MAGI2: variants seen among roughly 807,000 people sequenced by gnomAD.
MAGI2 encodes membrane-associated guanylate kinase, WW and PDZ domain-containing protein 2.
MAGI2 carries 35 observed loss-of-function variants against 133.3 expected under a neutral mutation model. That is an observed-to-expected ratio of 0.26 (90% confidence interval 0.20 to 0.35). The LOEUF (loss-of-function observed/expected upper bound fraction) is 0.35, where lower values mean the gene tolerates loss of function less well. MAGI2 is among the 10% of genes least tolerant of loss of function. The pLI is 1.00. For synonymous variants in MAGI2, 729 were observed against 710.6 expected, an observed-to-expected ratio of 1.03 and a Z score of -0.41; for missense variants, 1,636 against 1,863.4, an observed-to-expected ratio of 0.88 and a Z score of 2.25.
chr7:78,281,419 A>G (rs1191497922), intron 9 of MAGI2, among the ~76,000 whole-genome samples: 2 of 151,874 alleles, frequency 1.3e-5, no homozygotes, highest in African/African-American at 4.8e-5. Flanking sequence ...ATGGTTTCAT[A>G]AGGGACTCTT....
intron 9 of MAGI2, among the ~76,000 whole-genome samples, chr7:78,273,038 A>G (rs1003038365): frequency 2.0e-5 from 3 of 152,144 alleles, no homozygotes; most frequent in Non-Finnish European, 2.9e-5. Flanking sequence ...CATAGTGTCA[A>G]TGGTCTTTAC....
chr7:78,344,055 G>A, intron 8 of MAGI2, 95 bp from the exon 9 acceptor site: 3 of 1,126,828 alleles, frequency 2.7e-6, no homozygotes, highest in South Asian at 1.5e-5. Context: ...GACAATCCCA[G>A]GGGTAAATGT....
At chr7:78,422,438 C>T (rs1302080383) in intron 6 of MAGI2, among the ~76,000 whole-genome samples, 1 of 152,082 alleles carries the variant, frequency 6.6e-6, no homozygotes, top group Admixed American at 6.5e-5. Context: ...ACAAAACAGG[C>T]AAACACTTGT....
chr7:78,556,416 C>T (rs1799828562), intron 3 of MAGI2, among the ~76,000 whole-genome samples: 1 of 152,152 alleles, frequency 6.6e-6, no homozygotes, highest in Non-Finnish European at 1.5e-5. Flanking sequence ...TCACAGGCTT[C>T]AGGACTGGAT....
chr7:78,951,779 C>T (rs1801894819), intron 2 of MAGI2, among the ~76,000 whole-genome samples: 1 of 152,108 alleles, frequency 6.6e-6, no homozygotes, highest in Admixed American at 6.6e-5. Context: ...TTTCTTCTGA[C>T]CTCTTCCTCT....
intron 6 of MAGI2, among the ~76,000 whole-genome samples, chr7:78,458,112 A>T (rs545128165): frequency 1.3e-5 from 2 of 152,158 alleles, no homozygotes; most frequent in East Asian, 3.9e-4. Flanking sequence ...CCTGGCCAAC[A>T]TGGTGAAACA....
intron 14 of MAGI2, among the ~76,000 whole-genome samples, chr7:78,174,197 G>A (rs1826375181): frequency 6.6e-6 from 1 of 152,140 alleles, no homozygotes; most frequent in Admixed American, 6.5e-5. Context: ...TACTGTACCA[G>A]GCTAGGCTTG....
intron 7 of MAGI2, among the ~76,000 whole-genome samples, chr7:78,363,005 T>G (rs1441529534): frequency 6.6e-6 from 1 of 152,168 alleles, no homozygotes; most frequent in Non-Finnish European, 1.5e-5. Context: ...TAAAAGCATA[T>G]TAAAATAAAA....
chr7:78,297,716 A>T (rs1584774061), intron 9 of MAGI2, among the ~76,000 whole-genome samples: 1 of 151,666 alleles, frequency 6.6e-6, no homozygotes, highest in East Asian at 1.9e-4. Context: ...ATTCTCAGTA[A>T]ACTGTCACAA....
intron 1 of MAGI2, among the ~76,000 whole-genome samples, chr7:79,128,060 C>G (rs1820590546): frequency 6.6e-6 from 1 of 152,118 alleles, no homozygotes; most frequent in Non-Finnish European, 1.5e-5. Flanking sequence ...ATAGGGAATC[C>G]TTTCCCCGTT....
intron 1 of MAGI2, among the ~76,000 whole-genome samples, chr7:79,136,902 C>T (rs543727403): frequency 6.6e-6 from 1 of 152,234 alleles, no homozygotes; most frequent in Non-Finnish European, 1.5e-5. Context: ...GAAACACTTG[C>T]CCGGCCTGAT....
intron 10 of MAGI2, among the ~76,000 whole-genome samples, chr7:78,221,185 C>G (rs915416400): frequency 2.0e-4 from 31 of 152,172 alleles, no homozygotes; most frequent in Non-Finnish European, 5.9e-5. Context: ...GATTTAAATT[C>G]CCAGGACAGG....
At chr7:78,666,329 G>C (rs562348566) in intron 2 of MAGI2, among the ~76,000 whole-genome samples, 8 of 152,302 alleles carry the variant, frequency 5.3e-5, no homozygotes, top group Non-Finnish European at 8.8e-5. Context: ...GGAAGAGTAA[G>C]AAGTAAGACT....
intron 2 of MAGI2, among the ~76,000 whole-genome samples, chr7:78,803,851 A>G (rs1788292657): frequency 6.6e-6 from 1 of 152,208 alleles, no homozygotes; most frequent in Non-Finnish European, 1.5e-5. Flanking sequence ...CGAGAAAGAA[A>G]GTCTACTTAA....
rs181569047 is a variant in MAGI2 at position 79,256,595 on chromosome 7, A to T, written c.301+196425T>A. On this transcript the variant is annotated intron_variant, in intron 1 of 21. Transcript: ENST00000354212. ...ACCTGGACCTCCCTGGGCTCAGGTG[A>T]TCCTTTCACCTCGATCTCCCCAGTA... is the stretch of plus-strand genomic sequence containing the variant. 2.1e-3 allele frequency among the ~76,000 whole-genome samples: 299 copies of T among 144,444 alleles called. 2 individuals carry two copies. The highest frequency in any genetic ancestry group is 2.7e-3 in the Admixed American group (36 of 13,526). 94.8% of individuals were successfully genotyped at this position (144,444 alleles called of 152,430 possible).
intron 2 of MAGI2, among the ~76,000 whole-genome samples, chr7:78,779,939 C>T (rs1254239369): frequency 6.6e-6 from 1 of 152,178 alleles, no homozygotes; most frequent in Admixed American, 6.5e-5. Flanking sequence ...GGATTAACAC[C>T]TTTCAATACA....
intron 2 of MAGI2, among the ~76,000 whole-genome samples, chr7:78,828,705 A>T (rs2151438529): frequency 6.6e-6 from 1 of 152,308 alleles, no homozygotes; most frequent in East Asian, 1.9e-4. Context: ...CTTGTGATGT[A>T]TGATGTAAAT....
chr7:78,069,824 TC>T (rs1814297501), intron 21 of MAGI2, among the ~76,000 whole-genome samples: 2 of 152,000 alleles, frequency 1.3e-5, no homozygotes, highest in South Asian at 4.2e-4. Context: ...AAAGCAGCCC[TC>T]TTGCGGGAGA....
chr7:78,280,308 G>A (rs890232443), intron 9 of MAGI2, among the ~76,000 whole-genome samples: 20 of 152,118 alleles, frequency 1.3e-4, no homozygotes, highest in Non-Finnish European at 1.8e-4. Context: ...GGGGGATGTG[G>A]AAGGGGTGGT....
Sources: gnomAD v4.1 joint callset for allele counts (sites outside exome capture counted in the v4.1 genomes callset) on GRCh38, gnomAD v4.1.1 for gene constraint, MANE v1.5 for transcripts, NCBI Gene and HGNC (gene_info 2026-07-23, HGNC 2026-07-21) for gene names.